OR14A2: variants seen among roughly 807,000 people sequenced by gnomAD.
The protein encoded by OR14A2 is olfactory receptor 14A2.
For synonymous variants in OR14A2, 114 were observed against 58.6 expected (o/e 1.95, Z -4.32); for missense variants, 237 against 152.9 (o/e 1.55, Z -2.90).
the OR14A2 span, chr1:247,747,193 A>G: frequency 1.3e-5 from 2 of 152,126 alleles, no homozygotes; most frequent in Non-Finnish European, 2.9e-5. Flanking sequence ...CTTCCTTTCC[A>G]TAGTAGTCCA....
chr1:247,739,277 T>C, the OR14A2 span: 83 of 780,906 alleles, frequency 1.1e-4, no homozygotes, highest in African/African-American at 1.2e-3. Context: ...ACATTTTCTC[T>C]GCTGTGTTAA....
upstream of OR14A2, among the ~76,000 whole-genome samples, chr1:247,727,229 T>C (rs1273631126): frequency 2.0e-5 from 3 of 148,382 alleles, no homozygotes; most frequent in Non-Finnish European, 4.4e-5. Flanking sequence ...TTTGTAGTTC[T>C]CCTTGAAGAG....
chr1:247,724,010 G>A (rs1007501694), exon 1 of OR14A2: 3 of 713,880 alleles, frequency 4.2e-6, no homozygotes, highest in Non-Finnish European at 7.8e-6. Flanking sequence ...AACCCCATAA[G>A]AAGAAATCCT....
the OR14A2 span, among the ~76,000 whole-genome samples, chr1:247,742,907 A>G: frequency 1.3e-5 from 2 of 152,200 alleles, no homozygotes; most frequent in African/African-American, 4.8e-5. Flanking sequence ...AGTTAAATGT[A>G]TCTAGAACTA....
chr1:247,729,684 T>G, the OR14A2 span, among the ~76,000 whole-genome samples: 1 of 152,102 alleles, frequency 6.6e-6, no homozygotes. Flanking sequence ...TTGTTGACAG[T>G]TTTTATATGT....
upstream of OR14A2, among the ~76,000 whole-genome samples, chr1:247,727,375 A>C (rs150020054): frequency 2.7e-5 from 4 of 150,688 alleles, no homozygotes; most frequent in South Asian, 8.3e-4. Context: ...ACTTTTGTAC[A>C]TTGATTTTGT....
chr1:247,728,294 A>G (rs1296187479), upstream of OR14A2, among the ~76,000 whole-genome samples: 1 of 152,148 alleles, frequency 6.6e-6, no homozygotes, highest in Non-Finnish European at 1.5e-5. Flanking sequence ...AATGTAATCC[A>G]GCATATAAAC....
chr1:247,727,805 A>G (rs1313863520), upstream of OR14A2, among the ~76,000 whole-genome samples: 2 of 149,540 alleles, frequency 1.3e-5, no homozygotes, highest in Admixed American at 6.6e-5. Context: ...CTCTATGCAA[A>G]TAAACTAGAA....
chr1:247,727,300 G>C (rs1168769700), upstream of OR14A2, among the ~76,000 whole-genome samples: 1 of 148,068 alleles, frequency 6.8e-6, no homozygotes, highest in Non-Finnish European at 1.5e-5. Flanking sequence ...AAGCAATTGT[G>C]AATGGGAGTT....
chr1:247,734,844 T>C, the OR14A2 span, among the ~76,000 whole-genome samples: 3 of 152,112 alleles, frequency 2.0e-5, no homozygotes, highest in South Asian at 4.1e-4. Flanking sequence ...AGAAACAAGC[T>C]CTAGGCAGCA....
the OR14A2 span, among the ~76,000 whole-genome samples, chr1:247,740,975 C>G: frequency 6.6e-6 from 1 of 152,186 alleles, no homozygotes; most frequent in Non-Finnish European, 1.5e-5. Flanking sequence ...ACCTTTCAAA[C>G]TCTGTATGCT....
At chr1:247,735,690 C>T in the OR14A2 span, among the ~76,000 whole-genome samples, 1 of 152,200 alleles carries the variant, frequency 6.6e-6, no homozygotes, top group African/African-American at 2.4e-5. Flanking sequence ...ATACAGAGGA[C>T]ATCAAGCAGA....
the OR14A2 span, among the ~76,000 whole-genome samples, chr1:247,740,239 C>G: frequency 2.6e-5 from 4 of 152,116 alleles, no homozygotes. Flanking sequence ...TTAGTTTCTG[C>G]TTTATTGTCC....
chr1:247,748,131 T>TA, the OR14A2 span, among the ~76,000 whole-genome samples: 6 of 152,196 alleles, frequency 3.9e-5, no homozygotes, highest in African/African-American at 1.4e-4. Flanking sequence ...ATATAACTGA[T>TA]ATTTCTAATT....
At chr1:247,735,463 A>G in the OR14A2 span, among the ~76,000 whole-genome samples, 3 of 152,330 alleles carry the variant, frequency 2.0e-5, no homozygotes, top group South Asian at 6.2e-4. Flanking sequence ...AGACCCAGAA[A>G]GATCTCCTTT....
the OR14A2 span, among the ~76,000 whole-genome samples, chr1:247,744,543 G>A: frequency 6.6e-6 from 1 of 152,128 alleles, no homozygotes; most frequent in Non-Finnish European, 1.5e-5. This position sits in a 1 kb window ranked among gnomAD's most constrained non-coding sequence, Gnocchi z 4.3. Flanking sequence ...ATTTGTGGGG[G>A]TTAAGAGTTT....
At chr1:247,739,953 C>T in the OR14A2 span, among the ~76,000 whole-genome samples, 1 of 152,102 alleles carries the variant, frequency 6.6e-6, no homozygotes, top group Non-Finnish European at 1.5e-5. Flanking sequence ...TCAAGCAATC[C>T]GTTGGTCTCA....
At chr1:247,738,802 A>C in the OR14A2 span, 3 of 780,522 alleles carry the variant, frequency 3.8e-6, no homozygotes, top group Non-Finnish European at 7.2e-6. Context: ...TTCCTCCGAC[A>C]TTTGTCCTTC....
At chr1:247,723,662 G>C (rs1251986930) in exon 1 of OR14A2, 1 of 718,604 alleles carries the variant, frequency 1.4e-6, no homozygotes, top group East Asian at 2.7e-5. Flanking sequence ...TCGTAGTTCA[G>C]GGGACAGCAG....
Sources: gnomAD v4.1 joint callset for allele counts (sites outside exome capture counted in the v4.1 genomes callset) on GRCh38, gnomAD v4.1.1 for gene constraint, Gnocchi (gnomAD v3.1) non-coding constraint, MANE v1.5 for transcripts, NCBI Gene and HGNC (gene_info 2026-07-23, HGNC 2026-07-21) for gene names.